PUM3: variants seen among roughly 807,000 people sequenced by gnomAD.
PUM3 encodes the protein pumilio RNA binding family member 3.
Under a neutral mutation model 84.0 loss-of-function variants are expected in PUM3, and 91 were observed. The observed-to-expected ratio is 1.08, with a 90% CI of 0.91 to 1.29. PUM3 has a LOEUF of 1.29. Among genes scored for constraint, PUM3 ranks in the 50% most tolerant of loss-of-function variants. The pLI is 0.00. For synonymous variants in PUM3, 321 were observed against 266.7 expected (o/e 1.20, Z -1.98); for missense variants, 1,067 against 767.5 (o/e 1.39, Z -4.61).
At chr9:2,828,269 G>A (rs945375638) in intron 9 of PUM3, among the ~76,000 whole-genome samples, 8 of 152,072 alleles carry the variant, frequency 5.3e-5, no homozygotes, top group Admixed American at 5.2e-4. Flanking sequence ...TTGAACTCCT[G>A]GCCTCAAGTG....
At chr9:2,831,216 A>G (rs752644152) in intron 6 of PUM3, 35 bp downstream of exon 6, 1 of 1,392,344 alleles carries the variant, frequency 7.2e-7, no homozygotes, top group Admixed American at 1.9e-5. Flanking sequence ...GACTTATTGC[A>G]AATGATAACA....
chr9:2,804,399 G>A lies in PUM3; in HGVS notation c.1879C>T (p.Pro627Ser), dbSNP rs753701694. ...GTGCTTTTGGTTTTTTCCAATGTAGGAATCAAGCTTTTCAGTGCAGCTTTG... is the reference window on the plus strand; with the variant it reads ...GTGCTTTTGGTTTTTTCCAATGTAGAAATCAAGCTTTTCAGTGCAGCTTTG... ...KVKAALKSLIPTLEKTKSTSK... is the reference protein window; with the variant it reads ...KVKAALKSLISTLEKTKSTSK... Residue 627 changes from proline (P) to serine (S), a missense_variant, in exon 18 of 18, where the codon CCT becomes TCT. Coordinates refer to ENST00000397885, the MANE Select transcript of PUM3 (RefSeq NM_014878.5). The A allele has an allele frequency of 4.3e-6, 7 of 1,613,864 alleles. No individual in the cohort carries two copies. Among genetic ancestry groups the A allele is most frequent in the Non-Finnish European group, 5.1e-6 (6 of 1,179,882 alleles).
intron 3 of PUM3, among the ~76,000 whole-genome samples, chr9:2,836,666 G>C (rs1816129484): frequency 6.6e-6 from 1 of 152,170 alleles, no homozygotes; most frequent in Admixed American, 6.5e-5. Flanking sequence ...CCTAAGCTCT[G>C]TGAAGGCAGG....
chr9:2,820,183 G>C, intron 12 of PUM3, 85 bp from the exon 13 acceptor site: 2 of 575,602 alleles, frequency 3.5e-6, no homozygotes, highest in South Asian at 5.1e-5. Context: ...CTTCATAAAG[G>C]TAGAGCGAGA....
At position 2,804,377 on chromosome 9, in the gene PUM3, C is replaced by T. The variant is rs377530369; in HGVS notation, c.1901G>A (p.Ser634Asn). 16 of 1,613,688 alleles carry T rather than the reference C, an allele frequency of 9.9e-6. No homozygotes were observed. The highest frequency in any genetic ancestry group is 1.3e-5 in the Non-Finnish European group (15 of 1,179,898). ...SLIPTLEKTK[S>N]TSKGIEILLE... is the part of the protein sequence containing the mutation. ...TAGAATTTCTATTCCTTTGCTGGTG[C>T]TTTTGGTTTTTTCCAATGTAGGAAT... The change falls in exon 18 of 18, where the codon AGC becomes AAC. Residue 634 changes from serine to asparagine, a missense_variant. Physicochemically the swap from Ser to Asn is conservative, Grantham distance 46. Transcript: ENST00000397885.
At position 2,820,044 on chromosome 9, in the gene PUM3, T is replaced by C; in HGVS notation, c.1243A>G (p.Lys415Glu). The change falls in exon 13 of 18, where the codon AAG becomes GAG. Residue 415 changes from lysine to glutamate, a missense_variant. Coordinates refer to ENST00000397885, the MANE Select transcript of PUM3 (RefSeq NM_014878.5). ...LAAFDCIDDT[K>E]LVKQIIISEI... ...GATATGATTATCTGCTTCACAAGCT[T>C]AGTATCATCAATACAATCAAATGCC... 1 of 1,611,992 alleles carries C rather than the reference T, an allele frequency of 6.2e-7. No individual in the cohort carries two copies. Among genetic ancestry groups the C allele is most frequent in the Non-Finnish European group, 8.5e-7 (1 of 1,178,284 alleles).
intron 1 of PUM3, among the ~76,000 whole-genome samples, chr9:2,843,093 T>G (rs1469479332): frequency 6.6e-6 from 1 of 152,176 alleles, no homozygotes. Context: ...CTATTCATGA[T>G]TCTCACTTGC....
chr9:2,827,547 CATCT>C (rs1379408377), intron 9 of PUM3, among the ~76,000 whole-genome samples: 4 of 152,048 alleles, frequency 2.6e-5, no homozygotes, highest in South Asian at 2.1e-4. Flanking sequence ...CTTCACAATC[CATCT>C]GTTTCACAAA....
intron 13 of PUM3, among the ~76,000 whole-genome samples, chr9:2,815,650 T>TA (rs1184406361): frequency 6.6e-6 from 1 of 152,154 alleles, no homozygotes; most frequent in Non-Finnish European, 1.5e-5. Flanking sequence ...AAAGCTGCCA[T>TA]AAAATAATTA....
intron 1 of PUM3, among the ~76,000 whole-genome samples, chr9:2,839,236 C>T (rs1007802337): frequency 1.1e-4 from 16 of 152,170 alleles, no homozygotes; most frequent in African/African-American, 3.9e-4. Context: ...AGCAGCAGAA[C>T]AGATCAAGAG....
At chr9:2,823,752 A>C in intron 12 of PUM3, 29 bp downstream of exon 12, 1 of 1,062,634 alleles carries the variant, frequency 9.4e-7, no homozygotes, top group East Asian at 2.7e-5. Context: ...ATCAAAAATA[A>C]TTAGAATATG....
chr9:2,821,443 C>CA (rs572752267), intron 12 of PUM3, among the ~76,000 whole-genome samples: 554 of 49,968 alleles, frequency 0.011, 28 homozygotes, highest in Middle Eastern at 0.053. Context: ...GACTCTGTCT[C>CA]AAAAAAAAAA....
intron 10 of PUM3, among the ~76,000 whole-genome samples, chr9:2,825,024 G>A (rs1815773699): frequency 6.6e-6 from 1 of 152,076 alleles, no homozygotes; most frequent in Non-Finnish European, 1.5e-5. Context: ...AAATACTGCT[G>A]GCAGACAATA....
At chr9:2,818,913 C>T (rs1365723006) in intron 13 of PUM3, among the ~76,000 whole-genome samples, 1 of 152,208 alleles carries the variant, frequency 6.6e-6, no homozygotes, top group African/African-American at 2.4e-5. Context: ...CAGGAGGCTA[C>T]AAAGAGAGAC....
intron 3 of PUM3, 85 bp from the exon 4 acceptor site, chr9:2,834,251 C>T: frequency 8.5e-7 from 1 of 1,180,534 alleles, no homozygotes; most frequent in Non-Finnish European, 1.2e-6. Context: ...AGGGCAATCA[C>T]TAATCAGGAT....
intron 13 of PUM3, among the ~76,000 whole-genome samples, chr9:2,818,440 C>A (rs1821518454): frequency 6.6e-6 from 1 of 152,166 alleles, no homozygotes; most frequent in Non-Finnish European, 1.5e-5. Context: ...ACAATTCTGG[C>A]AAATCATGAA....
intron 3 of PUM3, among the ~76,000 whole-genome samples, chr9:2,835,362 G>A (rs1816095687): frequency 6.6e-6 from 1 of 152,134 alleles, no homozygotes; most frequent in South Asian, 2.1e-4. Flanking sequence ...AGGATGCAGT[G>A]AGCCATCATC....
rs1336481009 is a variant in PUM3, at chr9:2,804,334, T to C, written c.1944A>G (p.Thr648=). 2 of 1,613,288 alleles carry C rather than the reference T, an allele frequency of 1.2e-6. No individual in the cohort carries two copies. Among genetic ancestry groups the C allele is most frequent in the South Asian group, 1.1e-5 (1 of 90,898 alleles). ...TCTTGCTCTTAACTCTTTCCACCTA[T>C]GTGCTCAGTTTTTCAAGTAGAATTT... The part of the protein sequence containing the change: ...GIEILLEKLS[T] Residue 648 remains threonine (T), a synonymous_variant, in exon 18 of 18, where the codon ACA becomes ACG. Transcript: ENST00000397885.
At chr9:2,823,969 T>G (rs1391053562) in intron 11 of PUM3, 135 bp from the exon 12 acceptor site, 1 of 509,890 alleles carries the variant, frequency 2.0e-6, no homozygotes, top group African/African-American at 2.0e-5. Context: ...ATAATAGTTA[T>G]ACAGCCAGAA....
Sources: gnomAD v4.1 joint callset for allele counts (sites outside exome capture counted in the v4.1 genomes callset) on GRCh38, gnomAD v4.1.1 for gene constraint, MANE v1.5 for transcripts, NCBI Gene and HGNC (gene_info 2026-07-23, HGNC 2026-07-21) for gene names.